The following TMEM233 variants were observed in gnomAD, a reference collection of about 807,000 sequenced individuals.
The protein encoded by TMEM233 is dispanin subfamily B member 2.
Under a neutral mutation model 11.2 loss-of-function variants are expected in TMEM233, and 6 were observed. The ratio of observed to expected loss-of-function variants is 0.54; its 90% CI spans 0.29 to 1.06. The LOEUF is 1.06. Among genes scored for constraint, TMEM233 ranks in the 50% least tolerant of loss-of-function variants. The pLI is 0.08. For missense variants in TMEM233, 127 were observed against 144.7 expected (o/e 0.88, Z 0.63); for synonymous variants, 59 against 55.8 (o/e 1.06, Z -0.26).
intron 1 of TMEM233, among the ~76,000 whole-genome samples, chr12:119,600,508 CA>C (rs1390587359): frequency 6.6e-6 from 1 of 151,790 alleles, no homozygotes; most frequent in African/African-American, 2.4e-5. Flanking sequence ...ATGTAAAAAT[CA>C]AAAAGATGGA....
At chr12:119,629,946 G>A (rs192023800) in intron 2 of TMEM233, 74 bp downstream of exon 2, 1 of 1,461,712 alleles carries the variant, frequency 6.8e-7, no homozygotes, top group East Asian at 2.5e-5. Context: ...TGTTAGGGTA[G>A]ATTAGGTTAT....
At chr12:119,635,845 G>T (rs758888413) in intron 2 of TMEM233, among the ~76,000 whole-genome samples, 4 of 152,180 alleles carry the variant, frequency 2.6e-5, no homozygotes, top group Non-Finnish European at 4.4e-5. Context: ...TATTACAAAG[G>T]ATATTACAAA....
At chr12:119,613,985 G>C (rs1420345176) in intron 1 of TMEM233, among the ~76,000 whole-genome samples, 1 of 151,934 alleles carries the variant, frequency 6.6e-6, no homozygotes, top group African/African-American at 2.4e-5. Context: ...AGTGAGCAAG[G>C]GAAAAGGCTC....
chr12:119,612,926 T>TA (rs926305080), intron 1 of TMEM233, among the ~76,000 whole-genome samples: 2 of 151,494 alleles, frequency 1.3e-5, no homozygotes, highest in South Asian at 2.1e-4. Flanking sequence ...AAAATAAAAA[T>TA]AAAAAAAAGA....
Position 119,629,751 on chromosome 12 carries a change from A to G in TMEM233, c.202A>G (p.Asn68Asp). Residue 68 changes from asparagine to aspartate, a missense_variant, in exon 2 of 3, where the codon AAC becomes GAC. By Grantham distance (23) the Asn-to-Asp change is conservative. Coordinates refer to ENST00000426426, the MANE Select transcript of TMEM233 (RefSeq NM_001136534.3). ...TGTCCCCCAGTCTCTGAACAGCTAC[A>G]ACGATGGAGACTACGAAGGAGCCAG... ...VFSIMSLNSY[N>D]DGDYEGARRL... 2 of 1,551,256 alleles carry G rather than the reference A, an allele frequency of 1.3e-6. No individual in the cohort carries two copies. The highest frequency in any genetic ancestry group is 4.9e-5 in the East Asian group (2 of 40,908).
intron 1 of TMEM233, among the ~76,000 whole-genome samples, chr12:119,628,251 C>A (rs2136767342): frequency 6.6e-6 from 1 of 152,132 alleles, no homozygotes; most frequent in South Asian, 2.1e-4. Flanking sequence ...CCTCTGCCTC[C>A]CAGGTTCAAG....
intron 1 of TMEM233, among the ~76,000 whole-genome samples, chr12:119,604,394 A>G (rs972486081): frequency 3.3e-5 from 5 of 152,208 alleles, no homozygotes; most frequent in African/African-American, 9.6e-5. Flanking sequence ...ATAATATAGT[A>G]TGGGGCATTT....
downstream of TMEM233, among the ~76,000 whole-genome samples, chr12:119,645,914 T>C (rs1229944087): frequency 6.6e-6 from 1 of 152,152 alleles, no homozygotes; most frequent in Non-Finnish European, 1.5e-5. Context: ...GTGAAAGTAT[T>C]GGGAGGAACT....
At chr12:119,630,600 G>T (rs1364610678) in intron 2 of TMEM233, among the ~76,000 whole-genome samples, 1 of 152,220 alleles carries the variant, frequency 6.6e-6, no homozygotes, top group African/African-American at 2.4e-5. Flanking sequence ...CTGTCTGTGG[G>T]CTGTAGTTTG....
intron 1 of TMEM233, among the ~76,000 whole-genome samples, chr12:119,610,209 A>G (rs900493898): frequency 1.3e-5 from 2 of 152,108 alleles, no homozygotes; most frequent in Admixed American, 6.5e-5. Context: ...GTTTTGGTCA[A>G]TTTCTCCCAT....
chr12:119,607,050 G>T (rs758206267), intron 1 of TMEM233, among the ~76,000 whole-genome samples: 2 of 152,172 alleles, frequency 1.3e-5, no homozygotes, highest in African/African-American at 2.4e-5. Context: ...ATTAAAAGTA[G>T]CCATATACCC....
At chr12:119,645,165 A>C (rs996266659), downstream of TMEM233, among the ~76,000 whole-genome samples, 1 of 152,106 alleles carries the variant, frequency 6.6e-6, no homozygotes. Flanking sequence ...AGATGCAGAT[A>C]TAAAATCGCT....
At chr12:119,615,985 C>G (rs1458981926) in intron 1 of TMEM233, among the ~76,000 whole-genome samples, 4 of 152,218 alleles carry the variant, frequency 2.6e-5, no homozygotes, top group Non-Finnish European at 4.4e-5. Context: ...CTTCTGACTT[C>G]TGCCCAGCTT....
chr12:119,623,100 CA>C (rs201925833), intron 1 of TMEM233, among the ~76,000 whole-genome samples: 2,519 of 152,320 alleles, frequency 0.017, 63 homozygotes, highest in African/African-American at 0.056. Flanking sequence ...ACTCTCATTT[CA>C]CCTGTGCTCA....
At chr12:119,648,504 T>C in the TMEM233 span, among the ~76,000 whole-genome samples, 3 of 152,352 alleles carry the variant, frequency 2.0e-5, no homozygotes, top group African/African-American at 4.8e-5. Context: ...TTCTCTGATA[T>C]GCCAACGTTT....
At chr12:119,601,603 A>T (rs958387786) in intron 1 of TMEM233, among the ~76,000 whole-genome samples, 1 of 149,502 alleles carries the variant, frequency 6.7e-6, no homozygotes, top group Non-Finnish European at 1.5e-5. Context: ...GCTTGCAGTG[A>T]GCCGAGATCG....
At chr12:119,607,603 AT>A (rs35498864) in intron 1 of TMEM233, among the ~76,000 whole-genome samples, 10,744 of 145,414 alleles carry the variant, frequency 0.074, 426 homozygotes, top group African/African-American at 0.12. Flanking sequence ...ATTAGATGCA[AT>A]TTTTTTTTTT....
At chr12:119,609,764 T>G (rs1439419940) in intron 1 of TMEM233, among the ~76,000 whole-genome samples, 2 of 152,186 alleles carry the variant, frequency 1.3e-5, no homozygotes, top group African/African-American at 4.8e-5. Context: ...TCTGCCTAGA[T>G]TTCAGAGGAT....
At chr12:119,619,864 T>C (rs540412331) in intron 1 of TMEM233, among the ~76,000 whole-genome samples, 19 of 152,298 alleles carry the variant, frequency 1.2e-4, no homozygotes, top group African/African-American at 3.8e-4. Flanking sequence ...CACCTGTGTG[T>C]CTCCCATTAT....
Sources: allele counts gnomAD v4.1 joint callset (sites outside exome capture counted in the v4.1 genomes callset), GRCh38; gene constraint gnomAD v4.1.1; transcripts MANE v1.5; gene names NCBI Gene and HGNC (gene_info 2026-07-23, HGNC 2026-07-21).